The following SCD variants were observed in gnomAD, a reference collection of about 807,000 sequenced individuals.
SCD encodes acyl-CoA desaturase.
In SCD, 4 loss-of-function variants were observed where a neutral mutation model predicts 35.7. The observed-to-expected ratio is 0.11, with a 90% CI of 0.06 to 0.26. The LOEUF (loss-of-function observed/expected upper bound fraction) is 0.26, where lower values mean the gene tolerates loss of function less well. Among genes scored for constraint, SCD ranks in the 10% least tolerant of loss-of-function variants. SCD has a pLI of 1.00. For synonymous variants in SCD, 150 were observed against 170.2 expected, an observed-to-expected ratio of 0.88 and a Z score of 0.92; for missense variants, 282 against 460.7, an observed-to-expected ratio of 0.61 and a Z score of 3.55.
intron 4 of SCD, among the ~76,000 whole-genome samples, chr10:100,355,184 G>A (rs573785572): frequency 1.3e-5 from 2 of 152,340 alleles, no homozygotes; most frequent in South Asian, 2.1e-4. Context: ...GCCTATCGGG[G>A]TGGAGAGATA....
intron 5 of SCD, among the ~76,000 whole-genome samples, chr10:100,359,053 T>C (rs1440296193): frequency 1.3e-5 from 2 of 152,228 alleles, no homozygotes; most frequent in African/African-American, 4.8e-5. Flanking sequence ...TCATATACAC[T>C]GTATAAATCT....
chr10:100,348,026 GTCTCT>G, intron 1 of SCD, 33 bp from the exon 2 acceptor site: 1 of 1,598,382 alleles, frequency 6.3e-7, no homozygotes, highest in Non-Finnish European at 8.5e-7. Flanking sequence ...GCCTCCACGT[GTCTCT>G]TCTCCTGACT....
Position 100,352,299 on chromosome 10 carries a change from C to G in SCD, c.311-67C>G. 2.6e-6 allele frequency: 4 copies of G among 1,535,536 alleles called. No homozygotes were observed. Among genetic ancestry groups the G allele is most frequent in the Non-Finnish European group, 3.6e-6 (4 of 1,121,720 alleles). On this transcript the variant is annotated intron_variant, in intron 2 of 5. Transcript: ENST00000370355. This position sits in a 1 kb window ranked among gnomAD's most constrained non-coding sequence, Gnocchi z 4.2. ...ACAGTTTCTAGCATCCAGAGAGTGT[C>G]TCTGGCATCCTTTCCCAGATGGAAC...
Position 100,356,813 on chromosome 10 carries a change from G to A in SCD, c.880+49G>A. 6.8e-7 allele frequency: 1 copy of A among 1,467,530 alleles called. No homozygotes were observed. The highest frequency in any genetic ancestry group is 2.3e-5 in the East Asian group (1 of 43,754). The allele number at this position is 1,467,530 out of a possible 1,614,324, so 90.9% of individuals were successfully genotyped here. On this transcript the variant is annotated intron_variant, in intron 5 of 5. Transcript: ENST00000370355. The surrounding 1 kb of genome is among the most constrained non-coding windows in gnomAD (Gnocchi z 4.1). ...CTACATCCAGTGGTCTGCTGATTAG[G>A]GGATTAGGCTAGGAGCCAGAAAAAC... is the stretch of plus-strand genomic sequence containing the variant.
chr10:100,347,426 C>T lies in SCD; in HGVS notation c.-79C>T, dbSNP rs908878275. On this transcript the variant is annotated 5_prime_UTR_variant, in exon 1 of 6. Transcript: ENST00000370355. The stretch of plus-strand genomic sequence containing the variant: ...CAGCGCGTACCGGCGGGCTTCGAAA[C>T]CGCAGTCCTCCGGCGACCCCGAACT... The T allele has an allele frequency of 6.7e-7, 1 of 1,503,102 alleles. No homozygotes were observed. Among genetic ancestry groups the T allele is most frequent in the African/African-American group, 1.4e-5 (1 of 72,872 alleles). The allele number at this position is 1,503,102 out of a possible 1,614,324, so 93.1% of individuals were successfully genotyped here.
chr10:100,349,610 T>A (rs985004928), intron 2 of SCD, among the ~76,000 whole-genome samples: 6 of 152,184 alleles, frequency 3.9e-5, no homozygotes, highest in Non-Finnish European at 5.9e-5. Flanking sequence ...AGCCCCTTTG[T>A]CAGGATCTCA....
rs749034751 is a variant in SCD, at chr10:100,360,741, C to T, written c.888C>T (p.Gly296=). Residue 296 remains glycine (G), a synonymous_variant, in exon 6 of 6, where the codon GGC becomes GGT. Transcript: ENST00000370355. ...TTCTCGCTTTTGTTTCAGGTGAGGGCTTCCACAACTACCACCACTCCTTTC... is the reference window on the plus strand; with the variant it reads ...TTCTCGCTTTTGTTTCAGGTGAGGGTTTCCACAACTACCACCACTCCTTTC... The part of the protein sequence containing the change: ...ILVSLGAVGE[G]FHNYHHSFPY... The T allele has an allele frequency of 1.2e-6, 2 of 1,613,856 alleles. No individual in the cohort carries two copies. Among genetic ancestry groups the T allele is most frequent in the African/African-American group, 1.3e-5 (1 of 74,922 alleles).
chr10:100,360,401 C>G (rs1434256659), intron 5 of SCD, among the ~76,000 whole-genome samples: 1 of 152,176 alleles, frequency 6.6e-6, no homozygotes, highest in Non-Finnish European at 1.5e-5. Flanking sequence ...TCCCAGACAG[C>G]CACGGGTGAC....
intron 1 of SCD, among the ~76,000 whole-genome samples, chr10:100,347,820 C>T (rs1275286481): frequency 6.6e-6 from 1 of 152,098 alleles, no homozygotes; most frequent in African/African-American, 2.4e-5. Context: ...CTTCTCCTTC[C>T]TACTGCCGCC....
Position 100,348,101 on chromosome 10 carries a change from C to G in SCD, c.65C>G (p.Ala22Gly), listed in dbSNP as rs200146571. The G allele has an allele frequency of 2.2e-5, 35 of 1,613,722 alleles. No individual in the cohort carries two copies. The highest frequency in any genetic ancestry group is 2.9e-5 in the Non-Finnish European group (34 of 1,179,824). ...TATACCACCACCACCACCATTACAG[C>G]GCCTCCCTCCAGGGTCCTGCAGAAT... ...SSYTTTTTIT[A>G]PPSRVLQNGG... The change falls in exon 2 of 6, where the codon GCG becomes GGG. Residue 22 changes from alanine (A) to glycine (G), a missense_variant. Ala to Gly is a moderately conservative substitution (Grantham distance 60, BLOSUM62 0). Coordinates refer to ENST00000370355, the MANE Select transcript of SCD (RefSeq NM_005063.5).
chr10:100,356,811 A>C lies in SCD; in HGVS notation c.880+47A>C, dbSNP rs1430177391. The C allele has an allele frequency of 6.8e-7, 1 of 1,478,322 alleles. No homozygotes were observed. Among genetic ancestry groups the C allele is most frequent in the East Asian group, 2.3e-5 (1 of 43,856 alleles). 91.6% of individuals were successfully genotyped at this position (1,478,322 alleles called of 1,614,324 possible). ...GACTACATCCAGTGGTCTGCTGATT[A>C]GGGGATTAGGCTAGGAGCCAGAAAA... On this transcript the variant is annotated intron_variant, in intron 5 of 5. Transcript: ENST00000370355. The surrounding 1 kb of genome is among the most constrained non-coding windows in gnomAD (Gnocchi z 4.1).
chr10:100,360,405 G>A (rs1564626819), intron 5 of SCD, among the ~76,000 whole-genome samples: 1 of 152,098 alleles, frequency 6.6e-6, no homozygotes, highest in Non-Finnish European at 1.5e-5. Context: ...AGACAGCCAC[G>A]GGTGACCAGG....
At chr10:100,353,948 T>C (rs1849899172) in intron 3 of SCD, among the ~76,000 whole-genome samples, 1 of 152,236 alleles carries the variant, frequency 6.6e-6, no homozygotes. Flanking sequence ...GGCCTTGTTA[T>C]TGGGTTGTAT....
Position 100,348,142 on chromosome 10 carries a change from G to C in SCD, c.106G>C (p.Glu36Gln). 3.1e-6 allele frequency: 5 copies of C among 1,613,848 alleles called. No individual in the cohort carries two copies. Among genetic ancestry groups the C allele is most frequent in the Middle Eastern group, 1.7e-4 (1 of 6,056 alleles). Residue 36 changes from glutamate to glutamine, a missense_variant, in exon 2 of 6, where the codon GAG becomes CAG. By Grantham distance (29) the Glu-to-Gln change is conservative (BLOSUM62 2). Coordinates refer to ENST00000370355, the MANE Select transcript of SCD (RefSeq NM_005063.5). Reference protein sequence around the residue: ...RVLQNGGDKLETMPLYLEDDI... With the variant: ...RVLQNGGDKLQTMPLYLEDDI... ...CCTGCAGAATGGAGGAGATAAGTTG[G>C]AGACGATGCCCCTCTACTTGGAAGA...
intron 5 of SCD, among the ~76,000 whole-genome samples, chr10:100,358,506 G>A (rs1228585480): frequency 6.7e-6 from 1 of 149,658 alleles, no homozygotes; most frequent in East Asian, 2.0e-4. Context: ...GCAGGAGAAT[G>A]GCGTGAACCC....
In SCD at chr10:100,360,852, C is replaced by G. The variant is rs199542687; in HGVS notation, c.999C>G (p.Ala333=). The G allele has an allele frequency of 6.2e-6, 10 of 1,613,970 alleles. No individual in the cohort carries two copies. The African/African-American group carries it at 1.3e-4, about 22-fold the overall frequency. The change falls in exon 6 of 6, where the codon GCC becomes GCG. Residue 333 remains alanine, a synonymous_variant. Transcript: ENST00000370355. Reference sequence around the variant, plus strand: ...ATTGCATGGCCGCCCTCGGTCTGGCCTATGACCGGAAGAAAGTCTCCAAGG... The same window carrying G: ...ATTGCATGGCCGCCCTCGGTCTGGCGTATGACCGGAAGAAAGTCTCCAAGG... ...FIDCMAALGL[A]YDRKKVSKAA...
At position 100,348,325 on chromosome 10, in the gene SCD, A is replaced by C; in HGVS notation, c.289A>C (p.Lys97Gln). 1 of 1,612,220 alleles carries C rather than the reference A, an allele frequency of 6.2e-7. No individual in the cohort carries two copies. Among genetic ancestry groups the C allele is most frequent in the African/African-American group, 1.3e-5 (1 of 74,650 alleles). The change falls in exon 2 of 6, where the codon AAG becomes CAG. Residue 97 changes from lysine to glutamine, a missense_variant. By Grantham distance (53) the Lys-to-Gln change is moderately conservative. Coordinates refer to ENST00000370355, the MANE Select transcript of SCD (RefSeq NM_005063.5). ...LYGITLIPTC[K>Q]FYTWLWGVFY... ...TGGGATCACTTTGATTCCTACCTGC[A>C]AGTTCTACACCTGGCTTTGGGGTAA...
rs1849824908 is a variant in SCD, at chr10:100,348,181, G to C, written c.145G>C (p.Asp49His). 5 of 1,614,004 alleles carry C rather than the reference G, an allele frequency of 3.1e-6. No individual in the cohort carries two copies. In the South Asian group the frequency reaches 4.4e-5, roughly 14 times the overall value. Reference protein sequence around the residue: ...PLYLEDDIRPDIKDDIYDPTY... With the variant: ...PLYLEDDIRPHIKDDIYDPTY... ...CTACTTGGAAGACGACATTCGCCCT[G>C]ATATAAAAGATGATATATATGACCC... Residue 49 changes from aspartate (D) to histidine (H), a missense_variant, in exon 2 of 6, where the codon GAT becomes CAT. Physicochemically the swap from Asp to His is moderately conservative, Grantham distance 81. This residue lies in a region of SCD where 77 missense variants were observed against 88.4 expected (regional missense o/e 0.87). Coordinates refer to ENST00000370355, the MANE Select transcript of SCD (RefSeq NM_005063.5).
intron 1 of SCD, 56 bp downstream of exon 1, chr10:100,347,587 C>T: frequency 6.2e-7 from 1 of 1,607,608 alleles, no homozygotes; most frequent in Admixed American, 1.7e-5. Context: ...GCTGGGCTTC[C>T]AGGGGACGGG....
Sources: allele counts gnomAD v4.1 joint callset (sites outside exome capture counted in the v4.1 genomes callset), GRCh38; gene constraint gnomAD v4.1.1; regional missense constraint gnomAD v4.1.1; non-coding constraint Gnocchi (gnomAD v3.1); transcripts MANE v1.5; gene names NCBI Gene and HGNC (gene_info 2026-07-23, HGNC 2026-07-21).